IGF1R: variants seen among roughly 807,000 people sequenced by gnomAD.
IGF1R encodes insulin like growth factor 1 receptor.
A neutral mutation model predicts 144.6 loss-of-function variants in IGF1R; 44 were observed. The observed-to-expected ratio is 0.30, with a 90% confidence interval of 0.24 to 0.39. The LOEUF (loss-of-function observed/expected upper bound fraction) is 0.39. IGF1R is among the 10% of genes least tolerant of loss of function. The pLI is 1.00. For synonymous variants in IGF1R, 795 were observed against 722.8 expected (o/e 1.10, Z -1.60); for missense variants, 1,355 against 1,833.7 (o/e 0.74, Z 4.77).
At chr15:98,672,402 G>A (rs1056127369) in intron 1 of IGF1R, among the ~76,000 whole-genome samples, 9 of 151,834 alleles carry the variant, frequency 5.9e-5, no homozygotes, top group African/African-American at 2.2e-4. Flanking sequence ...CCGTCTCTAC[G>A]AAAAATACAA....
At chr15:98,689,748 A>G (rs937642326) in intron 1 of IGF1R, among the ~76,000 whole-genome samples, 1 of 152,184 alleles carries the variant, frequency 6.6e-6, no homozygotes, top group Non-Finnish European at 1.5e-5. Flanking sequence ...GTCTCTCGGG[A>G]TGCCCCAGTG....
intron 1 of IGF1R, among the ~76,000 whole-genome samples, chr15:98,652,948 T>C (rs998442421): frequency 6.6e-6 from 1 of 151,090 alleles, no homozygotes; most frequent in Admixed American, 6.6e-5. Flanking sequence ...TTTTTTTTTT[T>C]AAAGAAATGT....
chr15:98,786,584 TA>T (rs2056003300), intron 2 of IGF1R, among the ~76,000 whole-genome samples: 1 of 152,200 alleles, frequency 6.6e-6, no homozygotes, highest in African/African-American at 2.4e-5. Flanking sequence ...TCAAGTATTC[TA>T]AGGAACCTGG....
At chr15:98,734,232 C>T (rs941520387) in intron 2 of IGF1R, among the ~76,000 whole-genome samples, 4 of 152,164 alleles carry the variant, frequency 2.6e-5, no homozygotes, top group Admixed American at 6.5e-5. Flanking sequence ...CAGGTATTCT[C>T]GTTTAGGCAT....
In IGF1R at chr15:98,923,949, G is replaced by A. The variant is rs756094289; in HGVS notation, c.2559G>A (p.Pro853=). The change falls in exon 12 of 21, where the codon CCG becomes CCA. Residue 853 remains proline (P), a synonymous_variant. Coordinates refer to ENST00000650285, the MANE Select transcript of IGF1R (RefSeq NM_000875.5). ...AAAACTCCATCTTTTTAAAGTGGCC[G>A]GAACCTGAGAATCCCAATGGATTGA... ...RPENSIFLKW[P]EPENPNGLIL... is the part of the protein sequence containing the mutation. The A allele has an allele frequency of 1.4e-5, 23 of 1,613,408 alleles. No homozygotes were observed. Among genetic ancestry groups the A allele is most frequent in the Admixed American group, 3.3e-5 (2 of 59,996 alleles).
chr15:98,939,352 A>G lies in IGF1R; in HGVS notation c.3449A>G (p.Lys1150Arg), dbSNP rs1157702045. Reference sequence around the variant, plus strand: ...ATGGTAGCCGAAGATTTCACAGTCAAAATCGGAGGTGTGTCCTTAGCTTTC... The same window carrying G: ...ATGGTAGCCGAAGATTTCACAGTCAGAATCGGAGGTGTGTCCTTAGCTTTC... Reference protein sequence around the residue: ...NCMVAEDFTVKIGDFGMTRDI... With the variant: ...NCMVAEDFTVRIGDFGMTRDI... Residue 1150 changes from lysine (K) to arginine (R), a missense_variant, in exon 18 of 21, where the codon AAA becomes AGA. Coordinates refer to ENST00000650285, the MANE Select transcript of IGF1R (RefSeq NM_000875.5). 6.2e-7 allele frequency: 1 copy of G among 1,613,938 alleles called. No homozygotes were observed. The highest frequency in any genetic ancestry group is 1.3e-5 in the African/African-American group (1 of 74,874).
intron 1 of IGF1R, among the ~76,000 whole-genome samples, chr15:98,689,604 T>G (rs1275636148): frequency 1.3e-5 from 2 of 152,156 alleles, no homozygotes; most frequent in East Asian, 3.8e-4. Flanking sequence ...TCAGAAAGTA[T>G]TAATCTAAAG....
chr15:98,805,647 A>G (rs754541497), intron 2 of IGF1R, among the ~76,000 whole-genome samples: 3 of 152,150 alleles, frequency 2.0e-5, no homozygotes, highest in Non-Finnish European at 4.4e-5. Context: ...AGGAGGAAGT[A>G]TTTGTTTTGG....
intron 2 of IGF1R, among the ~76,000 whole-genome samples, chr15:98,765,603 C>T (rs1227904224): frequency 1.3e-5 from 2 of 152,056 alleles, no homozygotes; most frequent in East Asian, 1.9e-4. Context: ...GGATTACAGA[C>T]ATAAGCCACC....
At chr15:98,938,794 G>T (rs919536727) in intron 17 of IGF1R, among the ~76,000 whole-genome samples, 1 of 152,134 alleles carries the variant, frequency 6.6e-6, no homozygotes, top group Non-Finnish European at 1.5e-5. Context: ...CCTTTGTAAC[G>T]TGCTCTCCTT....
At chr15:98,869,198 A>T (rs937721397) in intron 2 of IGF1R, among the ~76,000 whole-genome samples, 1 of 152,174 alleles carries the variant, frequency 6.6e-6, no homozygotes, top group Non-Finnish European at 1.5e-5. Flanking sequence ...GAAAGTACTT[A>T]TCCGCCAGGA....
intron 2 of IGF1R, among the ~76,000 whole-genome samples, chr15:98,725,705 T>C (rs1251930684): frequency 2.0e-5 from 3 of 152,246 alleles, no homozygotes; most frequent in Non-Finnish European, 2.9e-5. Flanking sequence ...GTTTTCATGC[T>C]GCTGATAAAG....
chr15:98,661,372 A>G (rs184679542), intron 1 of IGF1R, among the ~76,000 whole-genome samples: 61 of 152,312 alleles, frequency 4.0e-4, no homozygotes, highest in Admixed American at 3.5e-3. Context: ...GGTTGGTGTC[A>G]AGGGGACTCC....
At chr15:98,912,311 A>G (rs1327012389) in intron 7 of IGF1R, among the ~76,000 whole-genome samples, 3 of 152,240 alleles carry the variant, frequency 2.0e-5, no homozygotes, top group African/African-American at 7.2e-5. Context: ...TAGGATTACT[A>G]GGCTTTCAGA....
At chr15:98,681,917 C>T (rs1453573485) in intron 1 of IGF1R, among the ~76,000 whole-genome samples, 1 of 152,122 alleles carries the variant, frequency 6.6e-6, no homozygotes, top group African/African-American at 2.4e-5. Flanking sequence ...GCTATGATTT[C>T]TGTTGGGTCA....
intron 2 of IGF1R, among the ~76,000 whole-genome samples, chr15:98,713,281 G>C (rs937164150): frequency 6.6e-6 from 1 of 152,282 alleles, no homozygotes; most frequent in Non-Finnish European, 1.5e-5. Context: ...GGCAAGCACT[G>C]CATCTGCTTA....
chr15:98,840,782 TCTC>T (rs754940514), intron 2 of IGF1R, among the ~76,000 whole-genome samples: 1 of 151,800 alleles, frequency 6.6e-6, no homozygotes, highest in Non-Finnish European at 1.5e-5. Context: ...TTCCAGCAAT[TCTC>T]CTGCCTCAAC....
At chr15:98,721,785 A>AT (rs1278746959) in intron 2 of IGF1R, among the ~76,000 whole-genome samples, 2 of 152,218 alleles carry the variant, frequency 1.3e-5, no homozygotes, top group African/African-American at 4.8e-5. Flanking sequence ...AACAAACTAA[A>AT]TAACAGTAGA....
chr15:98,819,891 A>G (rs1032718165), intron 2 of IGF1R, among the ~76,000 whole-genome samples: 8 of 152,260 alleles, frequency 5.3e-5, no homozygotes, highest in Admixed American at 1.3e-4. Context: ...ACCTGCTTCT[A>G]TGTTTATTCT....
Sources: gnomAD v4.1 joint callset for allele counts (sites outside exome capture counted in the v4.1 genomes callset) on GRCh38, gnomAD v4.1.1 for gene constraint, MANE v1.5 for transcripts, NCBI Gene and HGNC (gene_info 2026-07-23, HGNC 2026-07-21) for gene names.